The following FILIP1L variants were observed in gnomAD, a reference collection of about 807,000 sequenced individuals.
FILIP1L encodes the protein filamin A interacting protein 1 like.
FILIP1L carries 55 observed loss-of-function variants against 96.6 expected under a neutral mutation model. That is an observed-to-expected ratio of 0.57 (90% CI 0.46 to 0.71). FILIP1L has a LOEUF of 0.71. Ranked by LOEUF, FILIP1L falls within the 30% of genes least tolerant of loss-of-function variation. The pLI is 0.00. For missense variants in FILIP1L, 1,304 were observed against 1,321.2 expected, an observed-to-expected ratio of 0.99 and a Z score of 0.20; for synonymous variants, 467 against 473.9, an observed-to-expected ratio of 0.99 and a Z score of 0.19.
At chr3:100,012,126 G>A (rs1710173867) in intron 1 of FILIP1L, among the ~76,000 whole-genome samples, 1 of 152,086 alleles carries the variant, frequency 6.6e-6, no homozygotes. Flanking sequence ...CCTAAAAAAT[G>A]CAAAATGAAA....
Position 99,849,450 on chromosome 3 carries a change from A to G in FILIP1L, c.2226T>C (p.Asp742=), listed in dbSNP as rs765060736. ...TEDLICHLQG[D]HSVLQKKLNQ... is the part of the protein sequence containing the mutation. ...TTAGTTTTTTTTGCAGGACTGAGTG[A>G]TCTCCCTGGAGGTGACATATTAGGT... Residue 742 remains aspartate (D), a synonymous_variant, in exon 5 of 6, where the codon GAT becomes GAC. Transcript: ENST00000477258. 1.2e-6 allele frequency: 2 copies of G among 1,613,872 alleles called. No individual in the cohort carries two copies. The highest frequency in any genetic ancestry group is 2.7e-5 in the African/African-American group (2 of 74,876).
At chr3:99,904,736 A>C (rs1706555580) in intron 4 of FILIP1L, among the ~76,000 whole-genome samples, 1 of 151,642 alleles carries the variant, frequency 6.6e-6, no homozygotes, top group African/African-American at 2.4e-5. Flanking sequence ...TCCCACACCC[A>C]CTTCTCTTCT....
rs747628768 is a variant in FILIP1L, at chr3:99,850,337, T to G, written c.1339A>C (p.Asn447His). ...SKQECYSLKC[N>H]LEKERMTTKQ... ...GTGGTCATCCTTTCTTTTTCTAAAT[T>G]GCATTTCAGAGAGTAGCATTCTTGT... The change falls in exon 5 of 6, where the codon AAT (asparagine) becomes CAT (histidine). Residue 447 changes from asparagine (N) to histidine (H), a missense_variant. By Grantham distance (68) the Asn-to-His change is moderately conservative (BLOSUM62 1). Coordinates refer to ENST00000477258, the MANE Select transcript of FILIP1L (RefSeq NM_001387850.1). The G allele has an allele frequency of 6.2e-7, 1 of 1,612,952 alleles. No homozygotes were observed. Among genetic ancestry groups the G allele is most frequent in the Non-Finnish European group, 8.5e-7 (1 of 1,179,812 alleles).
chr3:100,024,503 A>G (rs1201895170), intron 1 of FILIP1L, among the ~76,000 whole-genome samples: 1 of 152,150 alleles, frequency 6.6e-6, no homozygotes, highest in Non-Finnish European at 1.5e-5. Context: ...AGGTCTCCTT[A>G]GACTATTCAA....
chr3:100,049,555 T>C (rs1454880763), intron 1 of FILIP1L, among the ~76,000 whole-genome samples: 1 of 152,134 alleles, frequency 6.6e-6, no homozygotes, highest in Non-Finnish European at 1.5e-5. Flanking sequence ...TAAAAGTGAT[T>C]AGAATATAAA....
chr3:100,039,659 T>A (rs2065168558), intron 1 of FILIP1L: 1 of 152,158 alleles, frequency 6.6e-6, no homozygotes, highest in Admixed American at 6.5e-5. Context: ...CACCAAGTAA[T>A]TTTTCATCCA....
chr3:100,038,674 T>A (rs2065150950), intron 1 of FILIP1L, among the ~76,000 whole-genome samples: 1 of 152,230 alleles, frequency 6.6e-6, no homozygotes, highest in Non-Finnish European at 1.5e-5. Context: ...TTTGTTTCTT[T>A]CTTTTTAAAG....
rs1576509663 is a variant in FILIP1L at position 99,849,467 on chromosome 3, A to G, written c.2209T>C (p.Cys737Arg). 12 of 1,613,814 alleles carry G rather than the reference A, an allele frequency of 7.4e-6. 2 individuals are homozygous for G. The Admixed American group carries it at 1.5e-4, about 20-fold the overall frequency. ...ACTGAGTGATCTCCCTGGAGGTGAC[A>G]TATTAGGTCTTCAGTTGCCATGTAT... Reference protein sequence around the residue: ...HEYMATEDLICHLQGDHSVLQ... With the variant: ...HEYMATEDLIRHLQGDHSVLQ... Residue 737 changes from cysteine to arginine, a missense_variant, in exon 5 of 6, where the codon TGT (cysteine) becomes CGT (arginine). By Grantham distance (180) the Cys-to-Arg change is radical (BLOSUM62 -3). Coordinates refer to ENST00000477258, the MANE Select transcript of FILIP1L (RefSeq NM_001387850.1).
At chr3:99,994,711 G>A (rs560704768) in intron 1 of FILIP1L, among the ~76,000 whole-genome samples, 168 of 152,266 alleles carry the variant, frequency 1.1e-3, no homozygotes, top group African/African-American at 3.8e-3. Context: ...GCACTCCCAC[G>A]TGGCTGGGGA....
intron 1 of FILIP1L, among the ~76,000 whole-genome samples, chr3:99,941,236 C>T (rs554430307): frequency 7.2e-5 from 11 of 151,758 alleles, no homozygotes; most frequent in African/African-American, 2.7e-4. Flanking sequence ...CTTCAATCTA[C>T]TGATGAAAAA....
chr3:99,951,295 T>C (rs1708169024), intron 1 of FILIP1L, among the ~76,000 whole-genome samples: 1 of 152,134 alleles, frequency 6.6e-6, no homozygotes, highest in African/African-American at 2.4e-5. Flanking sequence ...GTAATTACAG[T>C]AGCTATTTTA....
intron 4 of FILIP1L, among the ~76,000 whole-genome samples, chr3:99,872,898 G>A (rs75852265): frequency 0.012 from 1,873 of 152,014 alleles, 25 homozygotes; most frequent in Non-Finnish European, 0.016. Flanking sequence ...GCAGATGAAG[G>A]TCAAGGAGAA....
At chr3:100,098,325 G>T (rs747635212) in intron 1 of FILIP1L, among the ~76,000 whole-genome samples, 2 of 152,194 alleles carry the variant, frequency 1.3e-5, no homozygotes, top group Non-Finnish European at 2.9e-5. Context: ...CCCTATATTT[G>T]AATGCCATTT....
chr3:99,976,414 C>A (rs1051265554), intron 1 of FILIP1L, among the ~76,000 whole-genome samples: 2 of 152,264 alleles, frequency 1.3e-5, no homozygotes, highest in Non-Finnish European at 2.9e-5. Flanking sequence ...AAAAGAAATT[C>A]ATAGATATCA....
intron 1 of FILIP1L, among the ~76,000 whole-genome samples, chr3:99,989,251 C>G (rs1041569616): frequency 2.0e-5 from 3 of 152,144 alleles, no homozygotes; most frequent in Non-Finnish European, 4.4e-5. Context: ...CTGATTCCTG[C>G]TTTATATGCT....
At chr3:99,853,504 T>G (rs1943806620) in intron 4 of FILIP1L, among the ~76,000 whole-genome samples, 1 of 152,204 alleles carries the variant, frequency 6.6e-6, no homozygotes, top group Admixed American at 6.5e-5. Context: ...TGGTGATTAG[T>G]GAGTGCAGTG....
intron 1 of FILIP1L, among the ~76,000 whole-genome samples, chr3:99,959,113 TA>T (rs1708421602): frequency 6.6e-6 from 1 of 152,236 alleles, no homozygotes; most frequent in South Asian, 2.1e-4. Context: ...ATTCATTGTG[TA>T]AATGTTCAAG....
At chr3:100,007,572 C>T (rs1710023437) in intron 1 of FILIP1L, among the ~76,000 whole-genome samples, 1 of 152,178 alleles carries the variant, frequency 6.6e-6, no homozygotes, top group African/African-American at 2.4e-5. Flanking sequence ...AAAACCAACT[C>T]TCAGTTATGT....
intron 1 of FILIP1L, among the ~76,000 whole-genome samples, chr3:100,029,824 T>G (rs191776132): frequency 2.0e-5 from 3 of 152,244 alleles, no homozygotes; most frequent in African/African-American, 7.2e-5. Context: ...AAAGGGCAGA[T>G]TCTGAGTCAT....
Sources: gnomAD v4.1 joint callset for allele counts (sites outside exome capture counted in the v4.1 genomes callset) on GRCh38, gnomAD v4.1.1 for gene constraint, MANE v1.5 for transcripts, NCBI Gene and HGNC (gene_info 2026-07-23, HGNC 2026-07-21) for gene names.